The following RCN3 variants were observed in gnomAD, a reference collection of about 807,000 sequenced individuals.
RCN3 encodes reticulocalbin-3.
A neutral mutation model predicts 35.9 loss-of-function variants in RCN3; 41 were observed. The ratio of observed to expected loss-of-function variants is 1.14; its 90% CI spans 0.89 to 1.48. RCN3 has a LOEUF of 1.48. Among genes scored for constraint, RCN3 ranks in the 40% most tolerant of loss-of-function variants. The pLI is 0.00. For synonymous variants in RCN3, 187 were observed against 193.4 expected (o/e 0.97, Z 0.27); for missense variants, 451 against 471.3 (o/e 0.96, Z 0.40).
chr19:49,543,378 G>A lies in RCN3; in HGVS notation c.*165G>A. ...ACCCCCTGGGTCGGCTTCTGTCCCT[G>A]TCACACCCCCAACCCCAGGGAGGGG... On this transcript the variant is annotated 3_prime_UTR_variant, in exon 7 of 7. Transcript: ENST00000270645. 3 of 633,660 alleles carry A rather than the reference G, an allele frequency of 4.7e-6. 1 individual carries two copies. 39.3% of individuals were successfully genotyped at this position (633,660 alleles called of 1,614,324 possible).
rs187612108 is a variant in RCN3 at position 49,543,515 on chromosome 19, G to C, written c.*302G>C. 119 of 400,988 alleles carry C rather than the reference G, an allele frequency of 3.0e-4. No homozygotes were observed. In the East Asian group the frequency reaches 5.4e-3, roughly 18 times the overall value. The allele number at this position is 400,988 out of a possible 1,614,324, so 24.8% of individuals were successfully genotyped here. A position where few individuals can be genotyped will look rare whatever the true frequency, so the allele number is the denominator to read the frequency against. The stretch of plus-strand genomic sequence containing the variant: ...TCTAAGAACCGCCCCAACCCCTCCA[G>C]CTCCAAATCTGAGCCTCCACCACAT... On this transcript the variant is annotated 3_prime_UTR_variant, in exon 7 of 7. Coordinates refer to ENST00000270645, the MANE Select transcript of RCN3 (RefSeq NM_020650.3).
chr19:49,542,685 T>C lies in RCN3; in HGVS notation c.812T>C (p.Leu271Pro). Reference sequence around the variant, plus strand: ...GGGAGTGAGGTGGGCCACTGGGTGCTGCCCCCTGCCCAGGACCAGCCCCTG... The same window carrying C: ...GGGAGTGAGGTGGGCCACTGGGTGCCGCCCCCTGCCCAGGACCAGCCCCTG... ...LDGSEVGHWV[L>P]PPAQDQPLVE... Residue 271 changes from leucine (L) to proline (P), a missense_variant, in exon 6 of 7, where the codon CTG (leucine) becomes CCG (proline). Leu to Pro is a moderately conservative substitution (Grantham distance 98). Transcript: ENST00000270645. 1 of 1,597,052 alleles carries C rather than the reference T, an allele frequency of 6.3e-7. No individual in the cohort carries two copies. Among genetic ancestry groups the C allele is most frequent in the Non-Finnish European group, 8.5e-7 (1 of 1,173,388 alleles).
At chr19:49,529,859 C>A (rs891091914) in intron 2 of RCN3, among the ~76,000 whole-genome samples, 1 of 151,948 alleles carries the variant, frequency 6.6e-6, no homozygotes, top group African/African-American at 2.4e-5. Flanking sequence ...TGGGCTCAAG[C>A]AATTGTCCTG....
chr19:49,528,532 G>GAA lies in RCN3; in HGVS notation c.61_62dup (p.Pro22SerfsTer20). 6.4e-7 allele frequency: 1 copy of GAA among 1,568,088 alleles called. No homozygotes were observed. Among genetic ancestry groups the GAA allele is most frequent in the Non-Finnish European group, 8.6e-7 (1 of 1,158,414 alleles). ...TGCTACTGAGGCACGGGGCCCAGGGGAAGCCATCCCCAGACGCAGGCCCTC... is the reference window on the plus strand; with the variant it reads ...TGCTACTGAGGCACGGGGCCCAGGGGAAAAGCCATCCCCAGACGCAGGCCCTC... On this transcript the variant is annotated frameshift_variant, in exon 2 of 7. Coordinates refer to ENST00000270645, the MANE Select transcript of RCN3 (RefSeq NM_020650.3).
intron 2 of RCN3, among the ~76,000 whole-genome samples, chr19:49,528,935 A>C (rs2080095284): frequency 6.6e-6 from 1 of 152,098 alleles, no homozygotes; most frequent in African/African-American, 2.4e-5. Context: ...TAATCCCAGC[A>C]CTTTGGGAGG....
chr19:49,534,115 C>T (rs113291811), intron 2 of RCN3, 78 bp from the exon 3 acceptor site: 10 of 1,324,234 alleles, frequency 7.6e-6, no homozygotes, highest in African/African-American at 1.6e-5. Flanking sequence ...CCGAAGTGTC[C>T]CAGGGGGCGT....
rs768316693 is a variant in RCN3 at position 49,539,163 on chromosome 19, G to A, written c.663G>A (p.Gln221=). Reference sequence around the variant, plus strand: ...ACAGAAACAAAGATGGCTATGTCCAGGTGGAGGAGTACATCGGTGAGTGGG... The same window carrying A: ...ACAGAAACAAAGATGGCTATGTCCAAGTGGAGGAGTACATCGGTGAGTGGG... ...DLDRNKDGYV[Q]VEEYIADLYS... is the part of the protein sequence containing the mutation. Residue 221 remains glutamine, a synonymous_variant, in exon 5 of 7, where the codon CAG becomes CAA. Coordinates refer to ENST00000270645, the MANE Select transcript of RCN3 (RefSeq NM_020650.3). 5 of 1,610,948 alleles carry A rather than the reference G, an allele frequency of 3.1e-6. No homozygotes were observed. In the African/African-American group the frequency reaches 6.7e-5, roughly 22 times the overall value.
At chr19:49,535,686 A>T (rs964422283) in intron 3 of RCN3, among the ~76,000 whole-genome samples, 4 of 151,798 alleles carry the variant, frequency 2.6e-5, no homozygotes, top group Non-Finnish European at 5.9e-5. Flanking sequence ...ACCCCGTCTT[A>T]CCACAAAAAA....
chr19:49,539,027 C>T, intron 4 of RCN3, 92 bp from the exon 5 acceptor site: 2 of 872,110 alleles, frequency 2.3e-6, no homozygotes, highest in Non-Finnish European at 3.5e-6. Flanking sequence ...GCTAAATTTC[C>T]AAGAGAACCT....
Position 49,543,355 on chromosome 19 carries a change from C to A in RCN3, c.*142C>A. ...CTCCTGCCCCTGGGCTCTCAGGGAC[C>A]CCCTGGGTCGGCTTCTGTCCCTGTC... On this transcript the variant is annotated 3_prime_UTR_variant, in exon 7 of 7. Coordinates refer to ENST00000270645, the MANE Select transcript of RCN3 (RefSeq NM_020650.3). The A allele has an allele frequency of 2.8e-6, 2 of 705,034 alleles. No homozygotes were observed. The highest frequency in any genetic ancestry group is 4.9e-6 in the Non-Finnish European group (2 of 405,070). The allele number at this position is 705,034 out of a possible 1,614,324, so 43.7% of individuals were successfully genotyped here. A position where few individuals can be genotyped will look rare whatever the true frequency, so the allele number is the denominator to read the frequency against.
intron 5 of RCN3, among the ~76,000 whole-genome samples, chr19:49,541,350 G>A (rs2080162055): frequency 6.6e-6 from 1 of 152,162 alleles, no homozygotes; most frequent in South Asian, 2.1e-4. Context: ...GGGTTGAAGG[G>A]ATCTGCTGAA....
In RCN3 at chr19:49,534,415, C is replaced by G. The variant is rs1036114833; in HGVS notation, c.445+20C>G. On this transcript the variant is annotated intron_variant, in intron 3 of 6. Coordinates refer to ENST00000270645, the MANE Select transcript of RCN3 (RefSeq NM_020650.3). ...CGCCCGGTACGCGGCGAGCCCCCGA[C>G]CCTGCTCCCCATACACCGTGACCCT... 5.2e-6 allele frequency: 8 copies of G among 1,536,208 alleles called. No homozygotes were observed. The African/African-American group carries it at 6.9e-5, about 13-fold the overall frequency.
rs557869032 is a variant in RCN3, at chr19:49,536,807, TG to T, written c.446-225del. ...TTTTGGTAGAGATGGGGTTTCGCCA[TG>T]TTGGCCAGGCTGGTCTCAAACTCCT... On this transcript the variant is annotated intron_variant, in intron 3 of 6. Transcript: ENST00000270645. Among the ~76,000 whole-genome samples the T allele has an allele frequency of 6.1e-3, 929 of 151,940 alleles. 7 individuals are homozygous for T. The highest frequency in any genetic ancestry group is 0.022 in the African/African-American group (893 of 41,390).
intron 5 of RCN3, among the ~76,000 whole-genome samples, chr19:49,539,706 C>T (rs927488489): frequency 2.0e-4 from 30 of 150,150 alleles, no homozygotes; most frequent in Admixed American, 1.8e-3. Context: ...TCAAGGAGAA[C>T]GCTAACAAGG....
At chr19:49,542,140 C>T (rs534840720) in intron 5 of RCN3, among the ~76,000 whole-genome samples, 8 of 152,212 alleles carry the variant, frequency 5.3e-5, no homozygotes, top group African/African-American at 1.9e-4. Context: ...TCAAATGACC[C>T]TCCTGCCTGG....
intron 1 of RCN3, 126 bp from the exon 2 acceptor site, chr19:49,528,341 G>A (rs2080091630): frequency 1.1e-6 from 1 of 946,894 alleles, no homozygotes; most frequent in East Asian, 2.9e-5. Context: ...TTTTGAGCCC[G>A]AAAGCTTGCA....
At chr19:49,535,767 T>C (rs1223863012) in intron 3 of RCN3, among the ~76,000 whole-genome samples, 5 of 151,066 alleles carry the variant, frequency 3.3e-5, no homozygotes, top group Non-Finnish European at 7.4e-5. Context: ...AGAGAATCAC[T>C]TGAACCCAGG....
In RCN3 at chr19:49,543,306, G is replaced by A. The variant is rs558477187; in HGVS notation, c.*93G>A. 2 of 1,033,438 alleles carry A rather than the reference G, an allele frequency of 1.9e-6. No homozygotes were observed. The highest frequency in any genetic ancestry group is 3.2e-5 in the African/African-American group (2 of 62,628). The allele number at this position is 1,033,438 out of a possible 1,614,324, so 64.0% of individuals were successfully genotyped here. ...CCCCCTCCCTGTCCAGGCCCCGCAG[G>A]AGGCAGATGCAGTCCCAGGCATCCT... On this transcript the variant is annotated 3_prime_UTR_variant, in exon 7 of 7. Coordinates refer to ENST00000270645, the MANE Select transcript of RCN3 (RefSeq NM_020650.3).
At chr19:49,533,885 G>A (rs1333108861) in intron 2 of RCN3, among the ~76,000 whole-genome samples, 1 of 152,156 alleles carries the variant, frequency 6.6e-6, no homozygotes, top group East Asian at 1.9e-4. Flanking sequence ...CGTGCAGGCC[G>A]AGGGCGGGGC....
Sources: allele counts gnomAD v4.1 joint callset (sites outside exome capture counted in the v4.1 genomes callset), GRCh38; gene constraint gnomAD v4.1.1; transcripts MANE v1.5; gene names NCBI Gene and HGNC (gene_info 2026-07-23, HGNC 2026-07-21).